The following KIAA0319 variants were observed in gnomAD, a reference collection of about 807,000 sequenced individuals.
KIAA0319 encodes KIAA0319.
In KIAA0319, 83 loss-of-function variants were observed where a neutral mutation model predicts 108.4. The observed-to-expected ratio is 0.77, with a 90% confidence interval of 0.64 to 0.92. KIAA0319 has a LOEUF of 0.92. Ranked by LOEUF, KIAA0319 falls within the 40% of genes least tolerant of loss-of-function variation. The pLI is 0.00. For synonymous variants in KIAA0319, 484 were observed against 510.4 expected (o/e 0.95, Z 0.70); for missense variants, 1,195 against 1,322.4 (o/e 0.90, Z 1.49).
rs766462374 is a variant in KIAA0319 at position 24,556,683 on chromosome 6, T to C, written c.2781A>G (p.Thr927=). Residue 927 remains threonine (T), a synonymous_variant, in exon 18 of 21, where the codon ACA becomes ACG. Coordinates refer to ENST00000378214, the MANE Select transcript of KIAA0319 (RefSeq NM_014809.4). ...ATAAGTGAGAGCAAATGCAGCGCTT[T>C]GTGAGGGGGTCGCAGTGACCATGGC... The part of the protein sequence containing the change: ...CSGHGHCDPL[T]KRCICSHLWM... 2 of 1,613,940 alleles carry C rather than the reference T, an allele frequency of 1.2e-6. No individual in the cohort carries two copies. The highest frequency in any genetic ancestry group is 1.7e-6 in the Non-Finnish European group (2 of 1,179,990).
intron 4 of KIAA0319, among the ~76,000 whole-genome samples, chr6:24,583,981 C>T (rs190675494): frequency 5.5e-4 from 83 of 152,226 alleles, no homozygotes; most frequent in Non-Finnish European, 5.4e-4. Flanking sequence ...ACAAGAGTTG[C>T]GTGAAACAGG....
At chr6:24,556,084 G>A (rs1762246018) in intron 18 of KIAA0319, among the ~76,000 whole-genome samples, 2 of 152,266 alleles carry the variant, frequency 1.3e-5, no homozygotes. Flanking sequence ...GGTGAGAAAA[G>A]CACTGAATGT....
intron 1 of KIAA0319, among the ~76,000 whole-genome samples, chr6:24,620,526 C>G (rs967223266): frequency 2.0e-5 from 3 of 152,304 alleles, no homozygotes; most frequent in Admixed American, 1.3e-4. Flanking sequence ...GTCTTGAACT[C>G]CTGACCTCAG....
At chr6:24,644,821 A>G (rs1777409821) in intron 1 of KIAA0319, among the ~76,000 whole-genome samples, 1 of 152,250 alleles carries the variant, frequency 6.6e-6, no homozygotes, top group African/African-American at 2.4e-5. Flanking sequence ...CAGAGTACTT[A>G]GGTAATATGT....
intron 1 of KIAA0319, among the ~76,000 whole-genome samples, chr6:24,603,024 C>G (rs1309678206): frequency 6.6e-6 from 1 of 152,154 alleles, no homozygotes; most frequent in Non-Finnish European, 1.5e-5. Context: ...AAGCACCCCC[C>G]TCAATCTCTT....
chr6:24,605,979 G>A (rs1771345227), intron 1 of KIAA0319, among the ~76,000 whole-genome samples: 1 of 151,730 alleles, frequency 6.6e-6, no homozygotes, highest in Non-Finnish European at 1.5e-5. Context: ...TCTATCACCA[G>A]GCTGAAGTGG....
At chr6:24,610,415 T>C (rs1182720256) in intron 1 of KIAA0319, among the ~76,000 whole-genome samples, 1 of 152,022 alleles carries the variant, frequency 6.6e-6, no homozygotes, top group East Asian at 1.9e-4. Context: ...ATGGCTATAA[T>C]AAAAAAGACA....
At chr6:24,563,989 G>C (rs1763480912) in intron 15 of KIAA0319, among the ~76,000 whole-genome samples, 1 of 152,114 alleles carries the variant, frequency 6.6e-6, no homozygotes, top group Non-Finnish European at 1.5e-5. Flanking sequence ...AGAAAATCTA[G>C]TTGCCAGATA....
Position 24,596,195 on chromosome 6 carries a change from T to C in KIAA0319, c.479A>G (p.Tyr160Cys). Residue 160 changes from tyrosine to cysteine, a missense_variant, in exon 3 of 21, where the codon TAC becomes TGC. By Grantham distance (194) the Tyr-to-Cys change is radical. Coordinates refer to ENST00000378214, the MANE Select transcript of KIAA0319 (RefSeq NM_014809.4). ...LEEMSEYSDD[Y>C]RELEKDLLQP... is the part of the protein sequence containing the mutation. ...CAAGAGGTCCTTCTCCAGCTCCCGG[T>C]AGTCATCTGAGTACTCAGACATCTC... 5.6e-6 allele frequency: 9 copies of C among 1,614,150 alleles called. No homozygotes were observed. The highest frequency in any genetic ancestry group is 7.6e-6 in the Non-Finnish European group (9 of 1,180,038).
At chr6:24,573,460 T>G (rs985946199) in intron 10 of KIAA0319, among the ~76,000 whole-genome samples, 4 of 152,184 alleles carry the variant, frequency 2.6e-5, no homozygotes, top group African/African-American at 9.6e-5. Context: ...GAGGCAGGTT[T>G]ATAAGTACTA....
chr6:24,568,783 T>A lies in KIAA0319; in HGVS notation c.2138A>T (p.Lys713Met). 1 of 1,613,902 alleles carries A rather than the reference T, an allele frequency of 6.2e-7. No individual in the cohort carries two copies. Among genetic ancestry groups the A allele is most frequent in the African/African-American group, 1.3e-5 (1 of 75,056 alleles). Residue 713 changes from lysine to methionine, a missense_variant and splice_region_variant, in exon 13 of 21, where the codon AAG becomes ATG. By Grantham distance (95) the Lys-to-Met change is moderately conservative. Coordinates refer to ENST00000378214, the MANE Select transcript of KIAA0319 (RefSeq NM_014809.4). ...STSTLTVAVK[K>M]ENNSPPRARA... ...CTGTCCACCTCAGACCCACTCACCC[T>A]TCTTCACAGCCACAGTGAGGGTGGA...
chr6:24,572,097 C>A (rs1192597982), intron 11 of KIAA0319, among the ~76,000 whole-genome samples: 1 of 152,226 alleles, frequency 6.6e-6, no homozygotes, highest in Non-Finnish European at 1.5e-5. Flanking sequence ...ACTAACAGAA[C>A]TCTTCTAGAA....
Position 24,566,581 on chromosome 6 carries a change from C to T in KIAA0319, c.2292+16G>A, listed in dbSNP as rs755793740. On this transcript the variant is annotated intron_variant, in intron 14 of 20. Transcript: ENST00000378214. ...AATGATAAGTGGTCTAGGAGCAATT[C>T]TCTCTCAGTACTCACTCCAGCTGCT... 6.3e-7 allele frequency: 1 copy of T among 1,590,702 alleles called. No individual in the cohort carries two copies. Among genetic ancestry groups the T allele is most frequent in the Admixed American group, 1.8e-5 (1 of 55,028 alleles).
At chr6:24,594,974 C>T (rs544708229) in intron 3 of KIAA0319, among the ~76,000 whole-genome samples, 1 of 152,314 alleles carries the variant, frequency 6.6e-6, no homozygotes, top group African/African-American at 2.4e-5. Flanking sequence ...TGACCTCCTG[C>T]CATTAACACT....
At chr6:24,630,290 C>A (rs1192761560) in intron 1 of KIAA0319, among the ~76,000 whole-genome samples, 2 of 152,022 alleles carry the variant, frequency 1.3e-5, no homozygotes, top group Non-Finnish European at 2.9e-5. Context: ...GGGCAGATCA[C>A]TTAAGGTCAG....
At chr6:24,541,425 C>G (rs1397395715), downstream of KIAA0319, among the ~76,000 whole-genome samples, 3 of 152,344 alleles carry the variant, frequency 2.0e-5, no homozygotes, top group East Asian at 5.8e-4. Flanking sequence ...TTAATCACAT[C>G]TCTTTAAAGG....
At chr6:24,549,735 T>C (rs1395118574) in intron 20 of KIAA0319, among the ~76,000 whole-genome samples, 1 of 152,220 alleles carries the variant, frequency 6.6e-6, no homozygotes, top group Non-Finnish European at 1.5e-5. Flanking sequence ...GAGATGTACC[T>C]AGTACATATT....
chr6:24,606,208 A>C (rs1771380132), intron 1 of KIAA0319, among the ~76,000 whole-genome samples: 1 of 152,110 alleles, frequency 6.6e-6, no homozygotes, highest in Non-Finnish European at 1.5e-5. Context: ...AAGTGTTGGG[A>C]TTATAGGCGT....
At chr6:24,589,452 T>C (rs961710094) in intron 3 of KIAA0319, among the ~76,000 whole-genome samples, 1 of 152,272 alleles carries the variant, frequency 6.6e-6, no homozygotes, top group African/African-American at 2.4e-5. Flanking sequence ...CCAAATCTCA[T>C]CTTGAATTAT....
Sources: gnomAD v4.1 joint callset for allele counts (sites outside exome capture counted in the v4.1 genomes callset) on GRCh38, gnomAD v4.1.1 for gene constraint, MANE v1.5 for transcripts, NCBI Gene and HGNC (gene_info 2026-07-23, HGNC 2026-07-21) for gene names.